NPTX2: variants seen among roughly 807,000 people sequenced by gnomAD.
NPTX2 encodes the protein neuronal pentraxin 2.
In NPTX2, 23 loss-of-function variants were observed where a neutral mutation model predicts 38.1. The ratio of observed to expected loss-of-function variants is 0.60; its 90% CI spans 0.43 to 0.85. The LOEUF (loss-of-function observed/expected upper bound fraction) is 0.85. Ranked by LOEUF, NPTX2 falls within the 40% of genes least tolerant of loss-of-function variation. The probability of loss-of-function intolerance (pLI) is 0.00; values close to 1 mark genes in which losing one functional copy is unlikely to be tolerated. For missense variants in NPTX2, 553 were observed against 615.3 expected (o/e 0.90, Z 1.07); for synonymous variants, 291 against 287.3 (o/e 1.01, Z -0.13).
At chr7:98,620,721 C>G (rs1452308626) in intron 2 of NPTX2, among the ~76,000 whole-genome samples, 1 of 152,120 alleles carries the variant, frequency 6.6e-6, no homozygotes, top group African/African-American at 2.4e-5. Flanking sequence ...AACGTCTAGG[C>G]ACAGGTGAGC....
intron 4 of NPTX2, among the ~76,000 whole-genome samples, chr7:98,627,683 C>T (rs1364420228): frequency 2.0e-5 from 3 of 152,136 alleles, no homozygotes; most frequent in African/African-American, 7.2e-5. Context: ...GTGAGTGTCC[C>T]TGTGGTCATG....
At chr7:98,617,976 C>T (rs73143702) in intron 1 of NPTX2, 89 bp downstream of exon 1, 17,295 of 1,374,808 alleles carry the variant, frequency 0.013, 142 homozygotes, top group Non-Finnish European at 0.015. Flanking sequence ...GAAAGGGGGC[C>T]TGGCCCTGGG....
At chr7:98,618,554 T>TTC (rs1200343115) in intron 1 of NPTX2, among the ~76,000 whole-genome samples, 4 of 124,396 alleles carry the variant, frequency 3.2e-5, no homozygotes, top group African/African-American at 9.7e-5. Context: ...CCTCATTCCC[T>TTC]TCTCTCTCTC....
chr7:98,618,859 G>A (rs1791226579), intron 1 of NPTX2, among the ~76,000 whole-genome samples: 1 of 151,882 alleles, frequency 6.6e-6, no homozygotes, highest in Non-Finnish European at 1.5e-5. Context: ...TCCAGCATCT[G>A]TATATCCCCT....
chr7:98,618,662 A>G (rs925712591), intron 1 of NPTX2, among the ~76,000 whole-genome samples: 1 of 145,420 alleles, frequency 6.9e-6, no homozygotes, highest in African/African-American at 2.5e-5. Flanking sequence ...TGCAGTTTGG[A>G]ACTTTGAGAG....
intron 2 of NPTX2, among the ~76,000 whole-genome samples, chr7:98,621,964 C>A (rs1791277535): frequency 6.6e-6 from 1 of 152,226 alleles, no homozygotes; most frequent in African/African-American, 2.4e-5. Flanking sequence ...TTGGAGCCCC[C>A]AGCAAGCGCC....
chr7:98,618,605 C>CG (rs1791221894), intron 1 of NPTX2, among the ~76,000 whole-genome samples: 1 of 123,558 alleles, frequency 8.1e-6, no homozygotes, highest in African/African-American at 3.0e-5. Flanking sequence ...TCCCCCCCCC[C>CG]CGCCCCCCGC....
intron 2 of NPTX2, among the ~76,000 whole-genome samples, chr7:98,620,534 T>C (rs1446250030): frequency 6.6e-6 from 1 of 152,204 alleles, no homozygotes. Context: ...ACCTATCCTT[T>C]CTTCCTGGCC....
In NPTX2 at chr7:98,617,579, G is replaced by A; in HGVS notation, c.118G>A (p.Gly40Ser). The A allele has an allele frequency of 6.7e-7, 1 of 1,482,158 alleles. No individual in the cohort carries two copies. The highest frequency in any genetic ancestry group is 8.9e-7 in the Non-Finnish European group (1 of 1,123,696). The allele number at this position is 1,482,158 out of a possible 1,614,324, so 91.8% of individuals were successfully genotyped here. A position where few individuals can be genotyped will look rare whatever the true frequency, so the allele number is the denominator to read the frequency against. The change falls in exon 1 of 5, where the codon GGC becomes AGC. Residue 40 changes from glycine to serine, a missense_variant. Transcript: ENST00000265634. The part of the protein sequence containing the change: ...TALPPEAVHA[G>S]CPLPAMPMQG... ...ACTGCCCCCAGAGGCGGTGCACGCC[G>A]GCTGCCCGCTGCCCGCGATGCCCAT...
At chr7:98,619,097 G>C (rs999743005) in intron 1 of NPTX2, among the ~76,000 whole-genome samples, 2 of 152,174 alleles carry the variant, frequency 1.3e-5, no homozygotes, top group African/African-American at 4.8e-5. Flanking sequence ...GGGAGAAAGA[G>C]AAATAGGAAG....
Position 98,617,466 on chromosome 7 carries a change from T to G in NPTX2, c.5T>G (p.Leu2Arg). The G allele has an allele frequency of 8.9e-7, 1 of 1,124,258 alleles. No individual in the cohort carries two copies. Among genetic ancestry groups the G allele is most frequent in the Non-Finnish European group, 1.1e-6 (1 of 892,258 alleles). The allele number at this position is 1,124,258 out of a possible 1,614,324, so 69.6% of individuals were successfully genotyped here. M[L>R]ALLAASVALA... ...GAGCGCGGCAGCGGCGGCGGGATGC[T>G]GGCGCTGCTGGCCGCCAGCGTGGCG... Residue 2 changes from leucine to arginine, a missense_variant, in exon 1 of 5, where the codon CTG (leucine) becomes CGG (arginine). By Grantham distance (102) the Leu-to-Arg change is moderately radical. Coordinates refer to ENST00000265634, the MANE Select transcript of NPTX2 (RefSeq NM_002523.3).
chr7:98,623,622 C>T (rs1791303513), intron 2 of NPTX2, among the ~76,000 whole-genome samples: 1 of 152,156 alleles, frequency 6.6e-6, no homozygotes, highest in South Asian at 2.1e-4. Flanking sequence ...TGCTTTTTGT[C>T]AGGGATTTAG....
intron 2 of NPTX2, among the ~76,000 whole-genome samples, chr7:98,623,240 CAAAT>C (rs1791298219): frequency 6.6e-6 from 1 of 152,180 alleles, no homozygotes; most frequent in African/African-American, 2.4e-5. Context: ...GTCTGGTTCT[CAAAT>C]AAGAGGGCCG....
intron 2 of NPTX2, among the ~76,000 whole-genome samples, chr7:98,620,819 C>T (rs554811796): frequency 1.3e-5 from 2 of 152,162 alleles, no homozygotes; most frequent in East Asian, 1.9e-4. Context: ...GTTTGCCTCT[C>T]GAAAGGGGAA....
At chr7:98,620,046 G>T in intron 2 of NPTX2, 187 bp downstream of exon 2, 1 of 616,542 alleles carries the variant, frequency 1.6e-6, no homozygotes, top group Non-Finnish European at 2.9e-6. Flanking sequence ...AGCCCCACTG[G>T]CATTATCCAG....
chr7:98,627,945 G>A (rs1001067905), intron 4 of NPTX2, among the ~76,000 whole-genome samples: 7 of 152,192 alleles, frequency 4.6e-5, no homozygotes, highest in African/African-American at 1.7e-4. Context: ...ATCTAGGGGA[G>A]GGAATGGCTA....
intron 2 of NPTX2, among the ~76,000 whole-genome samples, chr7:98,624,620 C>T (rs796119495): frequency 1.3e-5 from 2 of 152,252 alleles, no homozygotes; most frequent in South Asian, 2.1e-4. Flanking sequence ...GGCCACTCCC[C>T]GTCTTAGCAG....
At position 98,627,148 on chromosome 7, in the gene NPTX2, C is replaced by A; in HGVS notation, c.889-17C>A. 1 of 1,603,162 alleles carries A rather than the reference C, an allele frequency of 6.2e-7. No homozygotes were observed. The highest frequency in any genetic ancestry group is 8.5e-7 in the Non-Finnish European group (1 of 1,172,024). On this transcript the variant is annotated splice_polypyrimidine_tract_variant and intron_variant, in intron 3 of 4. Coordinates refer to ENST00000265634, the MANE Select transcript of NPTX2 (RefSeq NM_002523.3). ...CGTGGGCCCAGCAGGTCCTTACCTG[C>A]ACATTGCTGCTCACAGGTTGCGCAG...
rs1249663381 is a variant in NPTX2, at chr7:98,629,726, A to T, written c.*1097A>T. ...GGGGAAATTTATAAAGCTAAATATT[A>T]TATATTTTATTTTTCATACATGTTT... On this transcript the variant is annotated 3_prime_UTR_variant, in exon 5 of 5. Coordinates refer to ENST00000265634, the MANE Select transcript of NPTX2 (RefSeq NM_002523.3). The T allele has an allele frequency of 6.6e-6, 1 of 152,526 alleles. No homozygotes were observed. 9.4% of individuals were successfully genotyped at this position (152,526 alleles called of 1,614,324 possible).
Sources: gnomAD v4.1 joint callset for allele counts (sites outside exome capture counted in the v4.1 genomes callset) on GRCh38, gnomAD v4.1.1 for gene constraint, MANE v1.5 for transcripts, NCBI Gene and HGNC (gene_info 2026-07-23, HGNC 2026-07-21) for gene names.